CDH9: variants seen among roughly 807,000 people sequenced by gnomAD.
CDH9 encodes cadherin 9.
In CDH9, 28 loss-of-function variants were observed where a neutral mutation model predicts 70.9. The ratio of observed to expected loss-of-function variants is 0.40; its 90% CI spans 0.29 to 0.54. The LOEUF is 0.54. Among genes scored for constraint, CDH9 ranks in the 20% least tolerant of loss-of-function variants. The probability of loss-of-function intolerance (pLI) is 0.59; values close to 1 mark genes in which losing one functional copy is unlikely to be tolerated. For synonymous variants in CDH9, 409 were observed against 343.1 expected (o/e 1.19, Z -2.12); for missense variants, 874 against 984.4 (o/e 0.89, Z 1.50).
At chr5:26,926,917 G>GCCCCC (rs55917148) in intron 2 of CDH9, among the ~76,000 whole-genome samples, 4 of 125,346 alleles carry the variant, frequency 3.2e-5, no homozygotes, top group African/African-American at 9.2e-5. Flanking sequence ...CAAAAATACA[G>GCCCCC]CCCCCCCCCG....
intron 6 of CDH9, 188 bp from the exon 7 acceptor site, chr5:26,902,917 G>C (rs556715419): frequency 1.9e-6 from 1 of 518,558 alleles, no homozygotes; most frequent in African/African-American, 1.9e-5. Context: ...TTCACAGAGG[G>C]TTAACTTAAT....
intron 2 of CDH9, among the ~76,000 whole-genome samples, chr5:26,944,490 A>G (rs1036029226): frequency 2.0e-5 from 3 of 151,914 alleles, no homozygotes; most frequent in East Asian, 1.9e-4. Context: ...TTTCCCCCCA[A>G]ACTTTTAAAA....
At chr5:26,892,968 C>T (rs1387359087) in intron 7 of CDH9, among the ~76,000 whole-genome samples, 3 of 152,018 alleles carry the variant, frequency 2.0e-5, no homozygotes, top group African/African-American at 2.4e-5. Flanking sequence ...CTCATGACCT[C>T]GTGATCCGCC....
At chr5:26,959,416 T>C (rs1741997115) in intron 2 of CDH9, among the ~76,000 whole-genome samples, 1 of 152,086 alleles carries the variant, frequency 6.6e-6, no homozygotes, top group Non-Finnish European at 1.5e-5. Flanking sequence ...GGCATATAAG[T>C]GGGTGCAACC....
At chr5:26,997,963 G>T (rs958331036) in intron 1 of CDH9, among the ~76,000 whole-genome samples, 1 of 152,170 alleles carries the variant, frequency 6.6e-6, no homozygotes, top group African/African-American at 2.4e-5. Context: ...CTCCCAAAGT[G>T]CTGGGATTAC....
At chr5:26,930,034 G>A (rs1021380445) in intron 2 of CDH9, among the ~76,000 whole-genome samples, 1 of 152,024 alleles carries the variant, frequency 6.6e-6, no homozygotes, top group African/African-American at 2.4e-5. Context: ...AAAGCTTAAG[G>A]TAGTGGACAT....
At chr5:26,882,096 ATATAT>A (rs1740478130) in intron 11 of CDH9, among the ~76,000 whole-genome samples, 1 of 152,088 alleles carries the variant, frequency 6.6e-6, no homozygotes, top group African/African-American at 2.4e-5. Context: ...CATTATATTT[ATATAT>A]TATGAGTGTA....
intron 2 of CDH9, among the ~76,000 whole-genome samples, chr5:26,977,474 T>C (rs929630162): frequency 5.7e-4 from 40 of 70,310 alleles, no homozygotes; most frequent in African/African-American, 1.6e-3. Flanking sequence ...TATGTGTGCG[T>C]GTGTGTGTGT....
In CDH9 at chr5:26,880,629, A is replaced by C. The variant is rs1262505794; in HGVS notation, c.*507T>G. ...TATAAATACTAGTTTATTTCATAAA[A>C]ATACAAAAATATAAATATACATTTA... is the stretch of plus-strand genomic sequence containing the variant. On this transcript the variant is annotated 3_prime_UTR_variant, in exon 12 of 12. Transcript: ENST00000231021. The C allele has an allele frequency of 6.6e-6, 1 of 152,394 alleles. No homozygotes were observed. The highest frequency in any genetic ancestry group is 1.5e-5 in the Non-Finnish European group (1 of 67,954). 9.4% of individuals were successfully genotyped at this position (152,394 alleles called of 1,614,324 possible). A position where few individuals can be genotyped will look rare whatever the true frequency, so the allele number is the denominator to read the frequency against.
At chr5:26,929,448 AG>A (rs1741401232) in intron 2 of CDH9, among the ~76,000 whole-genome samples, 1 of 152,074 alleles carries the variant, frequency 6.6e-6, no homozygotes, top group Admixed American at 6.6e-5. Context: ...TCAAAAAACT[AG>A]AAATGGAACT....
At chr5:26,891,583 C>A (rs982323350) in intron 7 of CDH9, among the ~76,000 whole-genome samples, 2 of 152,122 alleles carry the variant, frequency 1.3e-5, no homozygotes, top group Non-Finnish European at 2.9e-5. Context: ...GAGGCTGAGG[C>A]AGGAGAATCA....
rs369996366 is a variant in CDH9, at chr5:26,903,768, T to C, written c.868A>G (p.Ile290Val). ...SVPLGTHLGR[I>V]KANDPDVGEN... is the part of the protein sequence containing the mutation. Reference sequence around the variant, plus strand: ...CCCACGTCAGGGTCATTGGCTTTTATCCTTCCAAGATGAGTTCCAAGAGGT... The same window carrying C: ...CCCACGTCAGGGTCATTGGCTTTTACCCTTCCAAGATGAGTTCCAAGAGGT... The change falls in exon 6 of 12, where the codon ATA becomes GTA. Residue 290 changes from isoleucine (I) to valine (V), a missense_variant. By Grantham distance (29) the Ile-to-Val change is conservative (BLOSUM62 3). Transcript: ENST00000231021. 6.2e-7 allele frequency: 1 copy of C among 1,608,046 alleles called. No individual in the cohort carries two copies. The highest frequency in any genetic ancestry group is 8.5e-7 in the Non-Finnish European group (1 of 1,176,492).
chr5:26,977,312 C>T (rs2112079947), intron 2 of CDH9, among the ~76,000 whole-genome samples: 1 of 151,968 alleles, frequency 6.6e-6, no homozygotes, highest in South Asian at 2.1e-4. Flanking sequence ...AGGAGGACTA[C>T]AGTTGGGGAG....
chr5:26,916,318 G>A (rs1246224264), intron 2 of CDH9, among the ~76,000 whole-genome samples: 1 of 151,902 alleles, frequency 6.6e-6, no homozygotes, highest in African/African-American at 2.4e-5. Context: ...GATATGATTT[G>A]AGAGATTTCT....
intron 2 of CDH9, among the ~76,000 whole-genome samples, chr5:26,966,081 T>A (rs745943133): frequency 6.6e-6 from 1 of 152,180 alleles, no homozygotes; most frequent in African/African-American, 2.4e-5. Context: ...TTCACTGTTG[T>A]GCTTCTCTTC....
chr5:27,001,842 A>C (rs560761129), intron 1 of CDH9, among the ~76,000 whole-genome samples: 1 of 125,866 alleles, frequency 7.9e-6, no homozygotes. Flanking sequence ...ACACACACAC[A>C]CACTCTCTCT....
chr5:26,917,019 T>C (rs1057253194), intron 2 of CDH9, among the ~76,000 whole-genome samples: 1 of 151,938 alleles, frequency 6.6e-6, no homozygotes. Flanking sequence ...AGGCTGATCA[T>C]TGAATATTTA....
chr5:26,985,725 G>A (rs1217381077), intron 2 of CDH9, among the ~76,000 whole-genome samples: 1 of 152,076 alleles, frequency 6.6e-6, no homozygotes, highest in Non-Finnish European at 1.5e-5. Context: ...GAATACGACA[G>A]GCCTTTTCTT....
intron 2 of CDH9, among the ~76,000 whole-genome samples, chr5:26,973,309 GA>G (rs34091740): frequency 0.32 from 48,365 of 151,922 alleles, 9,444 homozygotes; most frequent in Non-Finnish European, 0.43. Flanking sequence ...AATGACCTAA[GA>G]AATTGGAAAA....
Sources: allele counts gnomAD v4.1 joint callset (sites outside exome capture counted in the v4.1 genomes callset), GRCh38; gene constraint gnomAD v4.1.1; transcripts MANE v1.5; gene names NCBI Gene and HGNC (gene_info 2026-07-23, HGNC 2026-07-21).